MCCC1: variants seen among roughly 807,000 people sequenced by gnomAD.
MCCC1 encodes methylcrotonyl-CoA carboxylase subunit 1.
MCCC1 carries 64 observed loss-of-function variants against 83.8 expected under a neutral mutation model. The observed-to-expected ratio is 0.76, with a 90% CI of 0.62 to 0.94. The LOEUF is 0.94. Among genes scored for constraint, MCCC1 ranks in the 40% least tolerant of loss-of-function variants. The pLI is 0.00. For synonymous variants in MCCC1, 322 were observed against 315.4 expected, an observed-to-expected ratio of 1.02 and a Z score of -0.22; for missense variants, 807 against 904.7, an observed-to-expected ratio of 0.89 and a Z score of 1.39.
intron 1 of MCCC1, among the ~76,000 whole-genome samples, chr3:183,114,621 C>G (rs1028208956): frequency 2.0e-5 from 3 of 152,180 alleles, no homozygotes; most frequent in African/African-American, 7.2e-5. Context: ...AGAAGTAAGA[C>G]AGTATTTTCC....
intron 14 of MCCC1, among the ~76,000 whole-genome samples, chr3:183,028,678 A>G (rs1054659368): frequency 8.5e-5 from 13 of 152,254 alleles, no homozygotes; most frequent in African/African-American, 3.1e-4. Flanking sequence ...CAGATGTGGT[A>G]GAAATAGTAA....
intron 9 of MCCC1, among the ~76,000 whole-genome samples, chr3:183,046,764 T>A (rs1189753066): frequency 6.6e-6 from 1 of 152,216 alleles, no homozygotes; most frequent in Non-Finnish European, 1.5e-5. Context: ...CACTCTGTCC[T>A]ATCAAGTAAA....
intron 9 of MCCC1, among the ~76,000 whole-genome samples, chr3:183,048,242 AAATAG>A (rs1325396164): frequency 1.3e-5 from 2 of 152,238 alleles, no homozygotes; most frequent in Admixed American, 6.5e-5. Context: ...CAAGGGGAAT[AAATAG>A]AAAACAATAA....
chr3:183,048,987 C>A (rs1410757137), intron 9 of MCCC1, among the ~76,000 whole-genome samples: 4 of 152,308 alleles, frequency 2.6e-5, no homozygotes, highest in Non-Finnish European at 5.9e-5. Flanking sequence ...AAACAACACA[C>A]TTCTAAATGA....
chr3:183,022,839 G>A (rs1712269515), intron 15 of MCCC1: 3 of 220,388 alleles, frequency 1.4e-5, no homozygotes, highest in Non-Finnish European at 2.6e-5. Flanking sequence ...TATAAAGATA[G>A]CATTAAAAAT....
At chr3:183,043,273 G>A (rs899429105) in intron 10 of MCCC1, among the ~76,000 whole-genome samples, 21 of 152,328 alleles carry the variant, frequency 1.4e-4, no homozygotes, top group African/African-American at 3.6e-4. Flanking sequence ...GGCAAAAAGA[G>A]CAAAACTCTG....
intron 10 of MCCC1, among the ~76,000 whole-genome samples, chr3:183,044,520 T>C (rs1434218773): frequency 6.6e-6 from 1 of 152,200 alleles, no homozygotes; most frequent in African/African-American, 2.4e-5. Context: ...ATCCGCACTT[T>C]ACTTGGATCA....
chr3:183,037,161 G>T, intron 13 of MCCC1, 57 bp downstream of exon 13: 1 of 1,526,532 alleles, frequency 6.6e-7, no homozygotes, highest in Non-Finnish European at 9.1e-7. Context: ...AGAAAAGCAT[G>T]TTCAATGATG....
intron 17 of MCCC1, among the ~76,000 whole-genome samples, chr3:183,017,975 G>A (rs1022777856): frequency 5.9e-5 from 9 of 151,328 alleles, no homozygotes; most frequent in Non-Finnish European, 8.9e-5. Context: ...GAGGCCTACA[G>A]CCCAAATGCA....
chr3:183,114,868 A>G (rs1402712232), intron 1 of MCCC1, among the ~76,000 whole-genome samples: 1 of 152,014 alleles, frequency 6.6e-6, no homozygotes, highest in Non-Finnish European at 1.5e-5. Context: ...CTGCCCCTGT[A>G]TTTTGCTCCT....
At position 183,035,757 on chromosome 3, in the gene MCCC1, C is replaced by T. The variant is rs577739755; in HGVS notation, c.1594+1461G>A. 3.4e-4 allele frequency among the ~76,000 whole-genome samples: 52 copies of T among 151,642 alleles called. 1 individual carries two copies. Among genetic ancestry groups the T allele is most frequent in the Admixed American group, 1.4e-3 (22 of 15,210 alleles). On this transcript the variant is annotated intron_variant, in intron 13 of 18. Coordinates refer to ENST00000265594, the MANE Select transcript of MCCC1 (RefSeq NM_020166.5). ...AGATTTTTAAAAATTCTGTTTGCTCCGAAAGTCAGAGCTAGCCTGAAATGC... is the reference window on the plus strand; with the variant it reads ...AGATTTTTAAAAATTCTGTTTGCTCTGAAAGTCAGAGCTAGCCTGAAATGC...
chr3:183,026,092 G>T (rs555762840), intron 14 of MCCC1, among the ~76,000 whole-genome samples: 30 of 152,212 alleles, frequency 2.0e-4, no homozygotes, highest in Non-Finnish European at 2.8e-4. Context: ...ACCCTGGCTG[G>T]ACTGCAGTGG....
chr3:183,064,336 T>TA lies in MCCC1; in HGVS notation c.761+6662dup, dbSNP rs1560249421. Among the ~76,000 whole-genome samples, 1 of 152,000 alleles carries TA rather than the reference T, an allele frequency of 6.6e-6. No individual in the cohort carries two copies. Among genetic ancestry groups the TA allele is most frequent in the African/African-American group, 2.4e-5 (1 of 41,386 alleles). On this transcript the variant is annotated intron_variant, in intron 7 of 18. Coordinates refer to ENST00000265594, the MANE Select transcript of MCCC1 (RefSeq NM_020166.5). The surrounding 1 kb of genome is among the most constrained non-coding windows in gnomAD (Gnocchi z 4.5). Reference sequence around the variant, plus strand: ...CACAAGTGGTATATATCGTAAATATTAAAATGATCATTGTTTTTAGTTGGT... The same window carrying TA: ...CACAAGTGGTATATATCGTAAATATTAAAAATGATCATTGTTTTTAGTTGGT...
chr3:183,108,052 C>T (rs566584177), intron 1 of MCCC1, among the ~76,000 whole-genome samples: 7 of 152,262 alleles, frequency 4.6e-5, no homozygotes, highest in South Asian at 2.1e-4. Flanking sequence ...TGAGGAAGTA[C>T]GTTGATCTCT....
intron 8 of MCCC1, among the ~76,000 whole-genome samples, chr3:183,052,849 G>A (rs1454128308): frequency 6.8e-6 from 1 of 147,950 alleles, no homozygotes; most frequent in Admixed American, 6.8e-5. Flanking sequence ...GCCCAATCAT[G>A]TGCCGTATAT....
At chr3:183,100,764 G>A (rs985596216), upstream of MCCC1, among the ~76,000 whole-genome samples, 6 of 152,248 alleles carry the variant, frequency 3.9e-5, no homozygotes, top group Non-Finnish European at 8.8e-5. Context: ...CTTGCTCTCG[G>A]CACCTCCCCT....
At chr3:183,035,263 G>C (rs1180474569) in intron 13 of MCCC1, among the ~76,000 whole-genome samples, 2 of 152,170 alleles carry the variant, frequency 1.3e-5, no homozygotes, top group Non-Finnish European at 2.9e-5. Flanking sequence ...TACCACATGG[G>C]ACGTATTTAG....
At chr3:183,081,336 CT>C (rs1459139317) in intron 4 of MCCC1, among the ~76,000 whole-genome samples, 2 of 152,184 alleles carry the variant, frequency 1.3e-5, no homozygotes, top group African/African-American at 4.8e-5. Context: ...ACTAACATGC[CT>C]TTATTAGTAA....
At chr3:183,072,626 A>G (rs1716781934) in intron 4 of MCCC1, 139 bp from the exon 5 acceptor site, 1 of 924,132 alleles carries the variant, frequency 1.1e-6, no homozygotes, top group Admixed American at 2.3e-5. Flanking sequence ...TCTGTTTCCA[A>G]AGAAATATCT....
Sources: allele counts gnomAD v4.1 joint callset (sites outside exome capture counted in the v4.1 genomes callset), GRCh38; gene constraint gnomAD v4.1.1; non-coding constraint Gnocchi (gnomAD v3.1); transcripts MANE v1.5; gene names NCBI Gene and HGNC (gene_info 2026-07-23, HGNC 2026-07-21).